The following MARCHF5 variants were observed in gnomAD, a reference collection of about 807,000 sequenced individuals.
MARCHF5 encodes the protein E3 ubiquitin-protein ligase MARCHF5.
Under a neutral mutation model 36.5 loss-of-function variants are expected in MARCHF5, and 5 were observed. The ratio of observed to expected loss-of-function variants is 0.14; its 90% CI spans 0.07 to 0.29. The LOEUF (loss-of-function observed/expected upper bound fraction) is 0.29. Ranked by LOEUF, MARCHF5 falls within the 10% of genes least tolerant of loss-of-function variation. The pLI is 1.00. For synonymous variants in MARCHF5, 103 were observed against 109.9 expected, an observed-to-expected ratio of 0.94 and a Z score of 0.39; for missense variants, 179 against 336.3, an observed-to-expected ratio of 0.53 and a Z score of 3.66.
At chr10:92,298,091 G>A (rs773152122) in intron 1 of MARCHF5, among the ~76,000 whole-genome samples, 9 of 152,104 alleles carry the variant, frequency 5.9e-5, no homozygotes, top group African/African-American at 1.9e-4. Context: ...TCAGCTACTC[G>A]GGAGGCTGAG....
Position 92,351,675 on chromosome 10 carries a change from A to G in MARCHF5, c.*468A>G, listed in dbSNP as rs1196074040. The G allele has an allele frequency of 2.0e-5, 3 of 152,678 alleles. No individual in the cohort carries two copies. Among genetic ancestry groups the G allele is most frequent in the East Asian group, 1.9e-4 (1 of 5,202 alleles). The allele number at this position is 152,678 out of a possible 1,614,324, so 9.5% of individuals were successfully genotyped here. A position where few individuals can be genotyped will look rare whatever the true frequency, so the allele number is the denominator to read the frequency against. ...TAAGAGGATATGTTAATATGAGGAAATGTAAATTAAATTAGTTATAAATAA... is the reference window on the plus strand; with the variant it reads ...TAAGAGGATATGTTAATATGAGGAAGTGTAAATTAAATTAGTTATAAATAA... On this transcript the variant is annotated 3_prime_UTR_variant, in exon 6 of 6. Coordinates refer to ENST00000358935, the MANE Select transcript of MARCHF5 (RefSeq NM_017824.5).
At chr10:92,333,558 G>A (rs575262705) in intron 2 of MARCHF5, 210 of 673,472 alleles carry the variant, frequency 3.1e-4, no homozygotes, top group Non-Finnish European at 3.7e-4. Flanking sequence ...AGACATAAAG[G>A]ATATTGAGAC....
chr10:92,327,240 G>T (rs751257524), intron 2 of MARCHF5, among the ~76,000 whole-genome samples: 16 of 150,098 alleles, frequency 1.1e-4, no homozygotes, highest in Admixed American at 4.0e-4. Flanking sequence ...AGAGGGCAAG[G>T]TTGCCTAAAC....
chr10:92,298,206 C>T (rs1375247893), intron 1 of MARCHF5, among the ~76,000 whole-genome samples: 1 of 152,156 alleles, frequency 6.6e-6, no homozygotes, highest in Non-Finnish European at 1.5e-5. Flanking sequence ...TAAAGGTCAC[C>T]AATAATTTCT....
chr10:92,297,166 CTTTT>C (rs767761093), intron 1 of MARCHF5, among the ~76,000 whole-genome samples: 8 of 137,826 alleles, frequency 5.8e-5, no homozygotes, highest in Non-Finnish European at 6.3e-5. Flanking sequence ...TAATAGACTA[CTTTT>C]TTTTTTTTTT....
At chr10:92,307,602 G>A (rs557412623) in intron 1 of MARCHF5, among the ~76,000 whole-genome samples, 11 of 152,072 alleles carry the variant, frequency 7.2e-5, no homozygotes, top group African/African-American at 2.4e-4. Context: ...GTGGCCAGGC[G>A]CAGTGGGTCA....
intron 2 of MARCHF5, 79 bp downstream of exon 2, chr10:92,311,416 C>T: frequency 2.1e-6 from 2 of 974,088 alleles, no homozygotes; most frequent in Non-Finnish European, 3.0e-6. Flanking sequence ...TAAAATGAAC[C>T]ACCTCTTTTT....
chr10:92,347,333 A>G lies in MARCHF5; in HGVS notation c.370-2016A>G, dbSNP rs1250444846. Among the ~76,000 whole-genome samples, 3 of 152,070 alleles carry G rather than the reference A, an allele frequency of 2.0e-5. No individual in the cohort carries two copies. In the East Asian group the frequency reaches 5.8e-4, roughly 29 times the overall value. On this transcript the variant is annotated intron_variant, in intron 3 of 5. Transcript: ENST00000358935. Reference sequence around the variant, plus strand: ...ACCCCATTTCTACTAAAAATACAAAAAAGTAGCCAGGTGTTGTGCCATGTG... The same window carrying G: ...ACCCCATTTCTACTAAAAATACAAAGAAGTAGCCAGGTGTTGTGCCATGTG...
chr10:92,325,286 C>T (rs775376968), intron 2 of MARCHF5, among the ~76,000 whole-genome samples: 2 of 152,130 alleles, frequency 1.3e-5, no homozygotes, highest in African/African-American at 2.4e-5. Context: ...CAGACTGCAA[C>T]GAGCTGTTAT....
intron 1 of MARCHF5, among the ~76,000 whole-genome samples, chr10:92,300,681 G>A (rs1337694557): frequency 6.6e-6 from 1 of 152,054 alleles, no homozygotes; most frequent in Non-Finnish European, 1.5e-5. Context: ...TTTTGCCCAA[G>A]CCAAACTGGC....
chr10:92,325,477 A>G (rs1843345443), intron 2 of MARCHF5, among the ~76,000 whole-genome samples: 1 of 152,176 alleles, frequency 6.6e-6, no homozygotes, highest in Non-Finnish European at 1.5e-5. Flanking sequence ...TTGTTAGGTC[A>G]AGTGCACATA....
intron 1 of MARCHF5, among the ~76,000 whole-genome samples, chr10:92,295,410 TTTTA>T (rs1256882534): frequency 6.5e-5 from 9 of 139,380 alleles, no homozygotes; most frequent in Admixed American, 1.4e-4. Flanking sequence ...TTTATTTATT[TTTTA>T]TTTTTTTTTT....
chr10:92,308,915 C>T (rs1021602808), intron 1 of MARCHF5, among the ~76,000 whole-genome samples: 1 of 152,024 alleles, frequency 6.6e-6, no homozygotes, highest in Non-Finnish European at 1.5e-5. Context: ...CCGTGTTAGC[C>T]AGGATGGTCT....
intron 1 of MARCHF5, among the ~76,000 whole-genome samples, chr10:92,309,205 T>C (rs1046456039): frequency 1.3e-5 from 2 of 152,216 alleles, no homozygotes; most frequent in African/African-American, 4.8e-5. Context: ...TTTTTAACTT[T>C]TTTTGGAAAG....
chr10:92,325,209 G>GC (rs2135199617), intron 2 of MARCHF5, among the ~76,000 whole-genome samples: 1 of 152,296 alleles, frequency 6.6e-6, no homozygotes, highest in African/African-American at 2.4e-5. Context: ...AGGCATGGTG[G>GC]CACATGCCTG....
intron 2 of MARCHF5, among the ~76,000 whole-genome samples, chr10:92,332,382 A>G (rs534670597): frequency 1.3e-5 from 2 of 152,228 alleles, no homozygotes; most frequent in Admixed American, 1.3e-4. Flanking sequence ...AGAGCAGTCA[A>G]TCAGAGATGA....
intron 1 of MARCHF5, among the ~76,000 whole-genome samples, chr10:92,307,180 T>A (rs1415655711): frequency 1.4e-5 from 1 of 73,206 alleles, no homozygotes; most frequent in Non-Finnish European, 3.6e-5. Flanking sequence ...AACATCTGTG[T>A]GTGTGTGTGT....
chr10:92,351,241 C>G lies in MARCHF5; in HGVS notation c.*34C>G. On this transcript the variant is annotated 3_prime_UTR_variant, in exon 6 of 6. Transcript: ENST00000358935. ...TCTGGTTGTTCTGCAGTTCTCTCAT[C>G]CTTATGAATCTGTTGTGTTGTTTTG... is the stretch of plus-strand genomic sequence containing the variant. 2 of 1,269,670 alleles carry G rather than the reference C, an allele frequency of 1.6e-6. No individual in the cohort carries two copies. Among genetic ancestry groups the G allele is most frequent in the Non-Finnish European group, 1.1e-6 (1 of 871,664 alleles). 78.7% of individuals were successfully genotyped at this position (1,269,670 alleles called of 1,614,324 possible).
At chr10:92,300,433 C>T (rs1215366549) in intron 1 of MARCHF5, among the ~76,000 whole-genome samples, 1 of 151,238 alleles carries the variant, frequency 6.6e-6, no homozygotes, top group Admixed American at 6.6e-5. Context: ...ATGGAGGTTG[C>T]AGTGAGCTGA....
Sources: gnomAD v4.1 joint callset for allele counts (sites outside exome capture counted in the v4.1 genomes callset) on GRCh38, gnomAD v4.1.1 for gene constraint, MANE v1.5 for transcripts, NCBI Gene and HGNC (gene_info 2026-07-23, HGNC 2026-07-21) for gene names.